The following GRK1 variants were observed in gnomAD, a reference collection of about 807,000 sequenced individuals.
The protein encoded by GRK1 is G protein-coupled receptor kinase 1.
In GRK1, 28 loss-of-function variants were observed where a neutral mutation model predicts 41.7. The ratio of observed to expected loss-of-function variants is 0.67; its 90% CI spans 0.50 to 0.92. The LOEUF (loss-of-function observed/expected upper bound fraction) is 0.92, where lower values mean the gene tolerates loss of function less well. Ranked by LOEUF, GRK1 falls within the 40% of genes least tolerant of loss-of-function variation. The pLI, the probability that GRK1 is intolerant of heterozygous loss-of-function variation, is 0.00. For synonymous variants in GRK1, 327 were observed against 286.7 expected, an observed-to-expected ratio of 1.14 and a Z score of -1.42; for missense variants, 703 against 671.2, an observed-to-expected ratio of 1.05 and a Z score of -0.52.
the GRK1 span, chr13:113,649,399 TC>T: frequency 6.3e-7 from 1 of 1,595,362 alleles, no homozygotes; most frequent in Non-Finnish European, 8.5e-7. This position sits in a 1 kb window ranked among gnomAD's most constrained non-coding sequence, Gnocchi z 4.7. Context: ...GAGTTTGAAC[TC>T]CACTTTCCCT....
At chr13:113,650,976 T>C in the GRK1 span, among the ~76,000 whole-genome samples, 153 of 152,106 alleles carry the variant, frequency 1.0e-3, 1 homozygote, top group Middle Eastern at 3.4e-3. This position sits in a 1 kb window ranked among gnomAD's most constrained non-coding sequence, Gnocchi z 5.0. Context: ...TGAAGGGTGC[T>C]TTGGATCTGT....
the GRK1 span, chr13:113,650,394 G>A: frequency 6.2e-7 from 1 of 1,612,596 alleles, no homozygotes; most frequent in Non-Finnish European, 8.5e-7. The surrounding 1 kb of genome is among the most constrained non-coding windows in gnomAD (Gnocchi z 5.0). Context: ...AGCGTGGAAG[G>A]AAGGAACCTA....
At chr13:113,653,997 C>T in the GRK1 span, among the ~76,000 whole-genome samples, 4 of 152,148 alleles carry the variant, frequency 2.6e-5, no homozygotes, top group African/African-American at 4.8e-5. Flanking sequence ...AGGAACAGCC[C>T]GCCATCCACA....
chr13:113,654,972 C>T, the GRK1 span: 1 of 1,612,696 alleles, frequency 6.2e-7, no homozygotes, highest in Non-Finnish European at 8.5e-7. Flanking sequence ...CAAAATTTAC[C>T]ACGTCAGCCA....
chr13:113,733,698 T>C lies in GRK1; in HGVS notation c.1396+613T>C, dbSNP rs541941615. Among the ~76,000 whole-genome samples the C allele has an allele frequency of 1.1e-3, 150 of 141,030 alleles. 1 individual carries two copies. Among genetic ancestry groups the C allele is most frequent in the African/African-American group, 3.5e-3 (127 of 36,502 alleles). The allele number at this position is 141,030 out of a possible 152,430, so 92.5% of individuals were successfully genotyped here. A position where few individuals can be genotyped will look rare whatever the true frequency, so the allele number is the denominator to read the frequency against. ...GTGTGTGCATGTATGTGTGCATACA[T>C]GTGTGCGTGTGTGCGCACGTGTGTG... On this transcript the variant is annotated intron_variant, in intron 6 of 6. Coordinates refer to ENST00000335678, the MANE Select transcript of GRK1 (RefSeq NM_002929.3).
rs552091354 is a variant in GRK1 at position 113,730,327 on chromosome 13, C to T, written c.1070-892C>T. Among the ~76,000 whole-genome samples, 55 of 147,956 alleles carry T rather than the reference C, an allele frequency of 3.7e-4. 1 individual carries two copies. Among genetic ancestry groups the T allele is most frequent in the Non-Finnish European group, 6.1e-4 (41 of 66,774 alleles). Reference sequence around the variant, plus strand: ...CCGTCCCTCCATCCCGACAGTCCCCCAGTCCCCGCAGCTGAGCCCAGACCC... The same window carrying T: ...CCGTCCCTCCATCCCGACAGTCCCCTAGTCCCCGCAGCTGAGCCCAGACCC... On this transcript the variant is annotated intron_variant, in intron 4 of 6. Coordinates refer to ENST00000335678, the MANE Select transcript of GRK1 (RefSeq NM_002929.3).
intron 4 of GRK1, among the ~76,000 whole-genome samples, chr13:113,723,806 GTGCCTGTGTGCCCA>G (rs2049872018): frequency 6.6e-6 from 1 of 151,182 alleles, no homozygotes; most frequent in Admixed American, 6.6e-5. Context: ...GCCTGCATGT[GTGCCTGTGTGCCCA>G]TGCCTGTGTC....
intron 1 of GRK1, among the ~76,000 whole-genome samples, chr13:113,668,349 C>T (rs975418964): frequency 1.3e-5 from 2 of 152,224 alleles, no homozygotes; most frequent in Non-Finnish European, 2.9e-5. Context: ...GTCGGTTTTT[C>T]ACCAACCACA....
intron 4 of GRK1, among the ~76,000 whole-genome samples, chr13:113,723,371 T>C (rs868293344): frequency 6.6e-6 from 1 of 152,106 alleles, no homozygotes; most frequent in South Asian, 2.1e-4. Flanking sequence ...GAAAGTTTAT[T>C]TTGCTGAGGT....
chr13:113,665,434 A>G (rs1358548853), upstream of GRK1, among the ~76,000 whole-genome samples: 1 of 144,596 alleles, frequency 6.9e-6, no homozygotes, highest in Non-Finnish European at 1.5e-5. Flanking sequence ...GGTGTGTCAC[A>G]GCTGCATTGC....
chr13:113,734,291 A>AG (rs1164083331), intron 6 of GRK1, among the ~76,000 whole-genome samples: 1 of 152,202 alleles, frequency 6.6e-6, no homozygotes, highest in Non-Finnish European at 1.5e-5. Flanking sequence ...AGGCCCAGCG[A>AG]GGCAAGGATG....
At position 113,732,958 on chromosome 13, in the gene GRK1, C is replaced by G. The variant is rs1044026600; in HGVS notation, c.1269C>G (p.Ser423Arg). Residue 423 changes from serine (S) to arginine (R), a missense_variant, in exon 6 of 7, where the codon AGC (serine) becomes AGG (arginine). Ser to Arg is a moderately radical substitution (Grantham distance 110). Coordinates refer to ENST00000335678, the MANE Select transcript of GRK1 (RefSeq NM_002929.3). ...ACCCTGATAAGTTCAGCCAGGCCAG[C>G]AAGGACTTCTGCGAGGCGCTGCTGG... Reference protein sequence around the residue: ...VKYPDKFSQASKDFCEALLEK... With the variant: ...VKYPDKFSQARKDFCEALLEK... 1 of 1,536,960 alleles carries G rather than the reference C, an allele frequency of 6.5e-7. No homozygotes were observed. The highest frequency in any genetic ancestry group is 2.4e-5 in the East Asian group (1 of 40,932).
At chr13:113,658,097 C>T in the GRK1 span, 29 of 1,612,668 alleles carry the variant, frequency 1.8e-5, no homozygotes, top group Non-Finnish European at 2.3e-5. Flanking sequence ...AACGCTGGAA[C>T]TCCTCCATGC....
chr13:113,650,944 C>T, the GRK1 span, among the ~76,000 whole-genome samples: 1 of 152,040 alleles, frequency 6.6e-6, no homozygotes, highest in Non-Finnish European at 1.5e-5. This position sits in a 1 kb window ranked among gnomAD's most constrained non-coding sequence, Gnocchi z 5.0. Context: ...CAGTGGGTAG[C>T]TCAGGGTCAT....
the GRK1 span, chr13:113,650,525 C>T: frequency 2.5e-6 from 4 of 1,600,978 alleles, no homozygotes; most frequent in Non-Finnish European, 3.4e-6. This position sits in a 1 kb window ranked among gnomAD's most constrained non-coding sequence, Gnocchi z 5.0. Context: ...GGAGAGGCCA[C>T]TGCCTGAGTC....
chr13:113,667,620 G>C lies in GRK1; in HGVS notation c.234G>C (p.Ser78=), dbSNP rs572018519. 1 of 1,613,504 alleles carries C rather than the reference G, an allele frequency of 6.2e-7. No homozygotes were observed. Among genetic ancestry groups the C allele is most frequent in the South Asian group, 1.1e-5 (1 of 91,078 alleles). ...AGCTCTTTCAGCAGTTCCTACAATC[G>C]GCAGAGAAGCACCTGCCGGCCCTGG... ...GKKLFQQFLQ[S]AEKHLPALEL... The change falls in exon 1 of 7, where the codon TCG becomes TCC. Residue 78 remains serine (S), a synonymous_variant. Transcript: ENST00000335678. The surrounding 1 kb of genome is among the most constrained non-coding windows in gnomAD (Gnocchi z 7.5).
chr13:113,650,575 T>C, the GRK1 span: 4 of 1,313,046 alleles, frequency 3.0e-6, no homozygotes, highest in Non-Finnish European at 4.3e-6. This position sits in a 1 kb window ranked among gnomAD's most constrained non-coding sequence, Gnocchi z 5.0. Flanking sequence ...TGTGTTGCGT[T>C]TGTGTGCGTG....
At chr13:113,726,618 C>G (rs191286517) in intron 4 of GRK1, 5 of 155,200 alleles carry the variant, frequency 3.2e-5, no homozygotes, top group African/African-American at 1.2e-4. Context: ...GCCTGGGGCA[C>G]AAACAGGTGC....
chr13:113,650,639 G>A, the GRK1 span: 3 of 620,222 alleles, frequency 4.8e-6, no homozygotes, highest in Admixed American at 3.2e-5. The surrounding 1 kb of genome is among the most constrained non-coding windows in gnomAD (Gnocchi z 5.0). Context: ...TGCATACTTA[G>A]CATAAATCAG....
Sources: allele counts gnomAD v4.1 joint callset (sites outside exome capture counted in the v4.1 genomes callset), GRCh38; gene constraint gnomAD v4.1.1; non-coding constraint Gnocchi (gnomAD v3.1); transcripts MANE v1.5; gene names NCBI Gene and HGNC (gene_info 2026-07-23, HGNC 2026-07-21).